Variants in PELI2 observed in about 807,000 individuals in gnomAD.
PELI2 encodes pellino E3 ubiquitin protein ligase family member 2.
PELI2 carries 23 observed loss-of-function variants against 42.3 expected under a neutral mutation model. The observed-to-expected ratio is 0.54, with a 90% confidence interval of 0.39 to 0.77. PELI2 has a LOEUF of 0.77. Ranked by LOEUF, PELI2 falls within the 30% of genes least tolerant of loss-of-function variation. The pLI is 0.00. For synonymous variants in PELI2, 245 were observed against 212.2 expected (o/e 1.15, Z -1.34); for missense variants, 463 against 553.2 (o/e 0.84, Z 1.64).
intron 1 of PELI2, among the ~76,000 whole-genome samples, chr14:56,157,552 CAG>C (rs1244114851): frequency 6.6e-6 from 1 of 152,102 alleles, no homozygotes; most frequent in African/African-American, 2.4e-5. Flanking sequence ...AAAAATCTCT[CAG>C]GGGTAATTGA....
At chr14:56,258,560 G>T (rs771069604) in intron 2 of PELI2, among the ~76,000 whole-genome samples, 2 of 145,180 alleles carry the variant, frequency 1.4e-5, no homozygotes, top group African/African-American at 5.2e-5. Flanking sequence ...TTCTGAAGGT[G>T]AAAAATAACA....
chr14:56,231,063 A>G (rs1887546650), intron 2 of PELI2, among the ~76,000 whole-genome samples: 2 of 152,248 alleles, frequency 1.3e-5, no homozygotes. Flanking sequence ...TAACTATCCT[A>G]AATATATATG....
intron 2 of PELI2, among the ~76,000 whole-genome samples, chr14:56,216,635 T>G (rs1457836327): frequency 6.6e-6 from 1 of 152,280 alleles, no homozygotes; most frequent in East Asian, 1.9e-4. Context: ...AACATTGCTA[T>G]GTGGTTATAA....
intron 1 of PELI2, among the ~76,000 whole-genome samples, chr14:56,157,451 C>T (rs1345638909): frequency 6.6e-6 from 1 of 152,052 alleles, no homozygotes; most frequent in African/African-American, 2.4e-5. Flanking sequence ...CATGTAGCAT[C>T]AATATACACA....
chr14:56,202,618 G>T (rs1383988880), intron 2 of PELI2, among the ~76,000 whole-genome samples: 2 of 152,178 alleles, frequency 1.3e-5, no homozygotes, highest in African/African-American at 4.8e-5. Flanking sequence ...GGGAGGGCCA[G>T]CTGGAGTCTG....
intron 1 of PELI2, among the ~76,000 whole-genome samples, chr14:56,171,276 G>A (rs1171811512): frequency 6.6e-6 from 1 of 152,118 alleles, no homozygotes; most frequent in Non-Finnish European, 1.5e-5. Flanking sequence ...GTTATATCAG[G>A]AATGGGTTCC....
intron 1 of PELI2, among the ~76,000 whole-genome samples, chr14:56,155,486 T>A (rs2139629848): frequency 6.6e-6 from 1 of 152,282 alleles, no homozygotes; most frequent in South Asian, 2.1e-4. Flanking sequence ...TTGGTGGTCC[T>A]CTCTTCATCA....
At chr14:56,157,693 G>A (rs534794732) in intron 1 of PELI2, among the ~76,000 whole-genome samples, 131 of 152,228 alleles carry the variant, frequency 8.6e-4, no homozygotes, top group African/African-American at 3.0e-3. Flanking sequence ...GGATTTACTC[G>A]ATCTGGCATG....
intron 1 of PELI2, among the ~76,000 whole-genome samples, chr14:56,140,902 T>C (rs939443232): frequency 6.6e-6 from 1 of 152,200 alleles, no homozygotes; most frequent in African/African-American, 2.4e-5. Context: ...TGCATGAAGC[T>C]GGCAGGTTTG....
At chr14:56,290,511 G>C in intron 5 of PELI2, 55 bp downstream of exon 5, 1 of 1,335,696 alleles carries the variant, frequency 7.5e-7, no homozygotes, top group Non-Finnish European at 1.0e-6. Context: ...AGCCTAACTC[G>C]AAGGCTATCA....
At chr14:56,120,111 A>G (rs920947911) in intron 1 of PELI2, among the ~76,000 whole-genome samples, 10 of 152,184 alleles carry the variant, frequency 6.6e-5, no homozygotes, top group African/African-American at 1.7e-4. Context: ...CTGTTTGCAG[A>G]TAAGTGTTTT....
At chr14:56,290,121 C>T (rs1409332159) in intron 4 of PELI2, 147 bp from the exon 5 acceptor site, 1 of 568,472 alleles carries the variant, frequency 1.8e-6, no homozygotes, top group East Asian at 2.8e-5. Flanking sequence ...ATATGTTATC[C>T]TTGTGATTAT....
At chr14:56,291,306 C>G (rs1463053919) in intron 5 of PELI2, among the ~76,000 whole-genome samples, 1 of 152,260 alleles carries the variant, frequency 6.6e-6, no homozygotes, top group East Asian at 1.9e-4. Context: ...TGACCTAGCA[C>G]TTGTCAGAGA....
chr14:56,217,402 G>C (rs72717977), intron 2 of PELI2, among the ~76,000 whole-genome samples: 26,352 of 152,228 alleles, frequency 0.17, 2,705 homozygotes, highest in Non-Finnish European at 0.24. Context: ...GGTGTGCAGA[G>C]ACCATTAATC....
intron 2 of PELI2, among the ~76,000 whole-genome samples, chr14:56,255,002 A>T (rs1258140898): frequency 6.6e-6 from 1 of 152,188 alleles, no homozygotes; most frequent in Non-Finnish European, 1.5e-5. Flanking sequence ...GCTGGAGAGG[A>T]TGTGGAGTAA....
At chr14:56,204,294 G>A (rs1411018040) in intron 2 of PELI2, among the ~76,000 whole-genome samples, 1 of 152,206 alleles carries the variant, frequency 6.6e-6, no homozygotes, top group African/African-American at 2.4e-5. Flanking sequence ...ATTGGTGGCA[G>A]CAAAACTAAA....
intron 1 of PELI2, among the ~76,000 whole-genome samples, chr14:56,146,733 T>C (rs1884137245): frequency 1.3e-5 from 2 of 152,198 alleles, no homozygotes; most frequent in Admixed American, 1.3e-4. Context: ...TAGGTTTGCA[T>C]GATGAGAGAT....
At chr14:56,184,253 A>C (rs1265467875) in intron 2 of PELI2, among the ~76,000 whole-genome samples, 1 of 152,094 alleles carries the variant, frequency 6.6e-6, no homozygotes, top group African/African-American at 2.4e-5. Flanking sequence ...GAAAAAAGAA[A>C]AATTTTAATT....
intron 2 of PELI2, among the ~76,000 whole-genome samples, chr14:56,237,866 A>G (rs1887851095): frequency 6.6e-6 from 1 of 151,750 alleles, no homozygotes; most frequent in African/African-American, 2.4e-5. Context: ...ATAGTCAATC[A>G]GTTCTTATTT....
Sources: gnomAD v4.1 joint callset for allele counts (sites outside exome capture counted in the v4.1 genomes callset) on GRCh38, gnomAD v4.1.1 for gene constraint, MANE v1.5 for transcripts, NCBI Gene and HGNC (gene_info 2026-07-23, HGNC 2026-07-21) for gene names.